AHRR: variants seen among roughly 807,000 people sequenced by gnomAD.
AHRR encodes the protein ahR repressor.
AHRR carries 28 observed loss-of-function variants against 44.0 expected under a neutral mutation model. The observed-to-expected ratio is 0.64, with a 90% CI of 0.47 to 0.87. The LOEUF (loss-of-function observed/expected upper bound fraction) is 0.87. Among genes scored for constraint, AHRR ranks in the 40% least tolerant of loss-of-function variants. The probability of loss-of-function intolerance (pLI) is 0.00; values close to 1 mark genes in which losing one functional copy is unlikely to be tolerated. For synonymous variants in AHRR, 434 were observed against 407.0 expected, an observed-to-expected ratio of 1.07 and a Z score of -0.80; for missense variants, 990 against 953.9, an observed-to-expected ratio of 1.04 and a Z score of -0.50.
At chr5:426,209 GATGGATGA>G (rs1314718719) in intron 7 of AHRR, among the ~76,000 whole-genome samples, 10 of 152,368 alleles carry the variant, frequency 6.6e-5, no homozygotes, top group East Asian at 3.9e-4. Flanking sequence ...CAGATGGAAA[GATGGATGA>G]ATGGATGAAT....
Position 337,541 on chromosome 5 carries a change from G to T in AHRR, c.-10-6352G>T, listed in dbSNP as rs922787437. Among the ~76,000 whole-genome samples, 1 of 152,096 alleles carries T rather than the reference G, an allele frequency of 6.6e-6. No homozygotes were observed. Among genetic ancestry groups the T allele is most frequent in the African/African-American group, 2.4e-5 (1 of 41,404 alleles). On this transcript the variant is annotated intron_variant, in intron 1 of 10. Coordinates refer to ENST00000684583, the MANE Select transcript of AHRR (RefSeq NM_001377236.1). This position sits in a 1 kb window ranked among gnomAD's most constrained non-coding sequence, Gnocchi z 4.1. ...CTACAGACATGCGCCACCATGCTTG[G>T]CTAATTTTTAAAAATTATTTTCTGT...
At chr5:423,654 T>G (rs1459983328) in intron 6 of AHRR, among the ~76,000 whole-genome samples, 187 bp from the exon 7 acceptor site, 2 of 152,192 alleles carry the variant, frequency 1.3e-5, no homozygotes, top group Non-Finnish European at 2.9e-5. Flanking sequence ...AAAACGATGT[T>G]TTTAAAGGCA....
At chr5:376,109 G>GCGGCCCCTGGGGGCGTGGGGCCTGGCC (rs1266508020) in intron 3 of AHRR, among the ~76,000 whole-genome samples, 1 of 151,884 alleles carries the variant, frequency 6.6e-6, no homozygotes, top group African/African-American at 2.4e-5. Context: ...CGATGCGGGT[G>GCGGCCCCTGGGGGCGTGGGGCCTGGCC]TGCAGGGCAC....
chr5:341,784 G>C (rs1579597851), intron 1 of AHRR, among the ~76,000 whole-genome samples: 1 of 151,824 alleles, frequency 6.6e-6, no homozygotes, highest in African/African-American at 2.4e-5. Flanking sequence ...CTAGTTACTT[G>C]TTAGAAGCTT....
At chr5:424,072 G>A (rs10064387) in intron 7 of AHRR, 95 bp downstream of exon 7, 27,225 of 1,504,872 alleles carry the variant, frequency 0.018, 523 homozygotes, top group Middle Eastern at 0.073. Flanking sequence ...GGGTGGGGGC[G>A]TTAAACCACA....
chr5:376,572 G>A (rs1373987459), intron 3 of AHRR, 38 bp from the exon 4 acceptor site: 2 of 1,540,790 alleles, frequency 1.3e-6, no homozygotes, highest in African/African-American at 1.4e-5. Context: ...CCAGGCCAAG[G>A]GTTGGGGGTG....
intron 5 of AHRR, among the ~76,000 whole-genome samples, chr5:421,524 T>C (rs1035501950): frequency 1.3e-5 from 2 of 152,206 alleles, no homozygotes; most frequent in Admixed American, 1.3e-4. Flanking sequence ...GTGTTCGTGA[T>C]TGGGCGCATT....
intron 1 of AHRR, among the ~76,000 whole-genome samples, chr5:331,921 C>A (rs1236064335): frequency 6.6e-6 from 1 of 152,234 alleles, no homozygotes; most frequent in Non-Finnish European, 1.5e-5. Flanking sequence ...AAAACCAGTA[C>A]ATGATGCCAA....
At chr5:414,187 T>C (rs1735604345) in intron 5 of AHRR, among the ~76,000 whole-genome samples, 1 of 151,980 alleles carries the variant, frequency 6.6e-6, no homozygotes, top group Non-Finnish European at 1.5e-5. Flanking sequence ...AGCGTGAACC[T>C]GGGAGGTGTA....
chr5:420,119 C>T (rs1736002698), intron 5 of AHRR, among the ~76,000 whole-genome samples: 5 of 152,216 alleles, frequency 3.3e-5, no homozygotes, highest in Admixed American at 2.0e-4. Flanking sequence ...CGCCATAGAG[C>T]GGCAGAACCG....
At chr5:425,258 G>A (rs1736329883) in intron 7 of AHRR, among the ~76,000 whole-genome samples, 1 of 152,238 alleles carries the variant, frequency 6.6e-6, no homozygotes, top group African/African-American at 2.4e-5. Flanking sequence ...CAGATCTGTT[G>A]CCACGCACAC....
At chr5:397,770 C>T (rs555166222) in intron 4 of AHRR, among the ~76,000 whole-genome samples, 2 of 121,988 alleles carry the variant, frequency 1.6e-5, no homozygotes, top group African/African-American at 3.1e-5. Context: ...AGCCCCTGAC[C>T]GTCCACGTAG....
At position 422,527 on chromosome 5, in the gene AHRR, G is replaced by A. The variant is rs185002818; in HGVS notation, c.442-202G>A. The A allele has an allele frequency of 7.9e-4, 507 of 639,954 alleles. 1 individual carries two copies. The African/African-American group carries it at 8.3e-3, about 10-fold the overall frequency. 39.6% of individuals were successfully genotyped at this position (639,954 alleles called of 1,614,324 possible). On this transcript the variant is annotated intron_variant, in intron 5 of 10. Transcript: ENST00000684583. ...CCACTTGGCGGGCAGACGGGTGGGC[G>A]GGTGCTCCAGGCAACTTAGACATCT...
chr5:327,024 A>C (rs1579580786), intron 1 of AHRR, among the ~76,000 whole-genome samples: 1 of 152,126 alleles, frequency 6.6e-6, no homozygotes, highest in East Asian at 1.9e-4. Flanking sequence ...GAGCCATTGC[A>C]CTCCAGCCAT....
rs561116670 is a variant in AHRR, at chr5:378,465, A to G, written c.351+1749A>G. Among the ~76,000 whole-genome samples the G allele has an allele frequency of 2.0e-5, 3 of 152,344 alleles. No homozygotes were observed. The South Asian group carries it at 6.2e-4, about 32-fold the overall frequency. On this transcript the variant is annotated intron_variant, in intron 4 of 10. Transcript: ENST00000684583. ...CCACACGTTCAGAGAGGCTTTAGTA[A>G]TGATCTAGAAATGACCCCTGAGAGT...
chr5:339,330 A>G lies in AHRR; in HGVS notation c.-10-4563A>G, dbSNP rs536837905. Among the ~76,000 whole-genome samples the G allele has an allele frequency of 9.9e-5, 15 of 152,250 alleles. No individual in the cohort carries two copies. In the East Asian group the frequency reaches 2.5e-3, roughly 25 times the overall value. ...GAGATAGGGTCTTGCTACATTGCCC[A>G]GGCTGGTCTCAAACTCCTGGGCTCA... On this transcript the variant is annotated intron_variant, in intron 1 of 10. Coordinates refer to ENST00000684583, the MANE Select transcript of AHRR (RefSeq NM_001377236.1).
At chr5:355,780 G>GGTGCCCACC (rs926680235) in intron 3 of AHRR, among the ~76,000 whole-genome samples, 3 of 152,232 alleles carry the variant, frequency 2.0e-5, no homozygotes, top group Admixed American at 6.5e-5. Flanking sequence ...CCTGCTGGGA[G>GGTGCCCACC]GTGCCCACCT....
intron 2 of AHRR, among the ~76,000 whole-genome samples, chr5:351,854 CAG>C (rs1000264377): frequency 1.5e-4 from 23 of 152,338 alleles, no homozygotes; most frequent in African/African-American, 5.5e-4. Flanking sequence ...GAGTTCCTGA[CAG>C]AACAGATTGT....
chr5:371,876 G>A (rs772613774), intron 3 of AHRR, among the ~76,000 whole-genome samples: 3 of 152,164 alleles, frequency 2.0e-5, no homozygotes, highest in Non-Finnish European at 4.4e-5. Flanking sequence ...CCCTTCCAAC[G>A]AGGATGCTTA....
Sources: gnomAD v4.1 joint callset for allele counts (sites outside exome capture counted in the v4.1 genomes callset) on GRCh38, gnomAD v4.1.1 for gene constraint, Gnocchi (gnomAD v3.1) non-coding constraint, MANE v1.5 for transcripts, NCBI Gene and HGNC (gene_info 2026-07-23, HGNC 2026-07-21) for gene names.